UPF1: variants seen among roughly 807,000 people sequenced by gnomAD.
The protein encoded by UPF1 is UPF1 RNA helicase and ATPase, also known as regulator of nonsense transcripts 1.
Under a neutral mutation model 129.2 loss-of-function variants are expected in UPF1, and 9 were observed. That is an observed-to-expected ratio of 0.07 (90% CI 0.04 to 0.12). The LOEUF (loss-of-function observed/expected upper bound fraction) is 0.12, where lower values mean the gene tolerates loss of function less well. UPF1 is among the 10% of genes least tolerant of loss of function. The pLI is 1.00. For synonymous variants in UPF1, 649 were observed against 644.9 expected (o/e 1.01, Z -0.10); for missense variants, 788 against 1,525.3 (o/e 0.52, Z 8.05).
In UPF1 at chr19:18,857,508, C is replaced by T; in HGVS notation, c.2157C>T (p.Gly719=). The part of the protein sequence containing the change: ...SAFPSNIFYE[G]SLQNGVTAAD... Reference sequence around the variant, plus strand: ...TCCCATCCAACATCTTCTACGAGGGCTCCCTCCAGAATGGTGTCACTGCAG... The same window carrying T: ...TCCCATCCAACATCTTCTACGAGGGTTCCCTCCAGAATGGTGTCACTGCAG... Residue 719 remains glycine (G), a synonymous_variant, in exon 15 of 24, where the codon GGC becomes GGT. Transcript: ENST00000262803. The T allele has an allele frequency of 1.2e-6, 2 of 1,613,710 alleles. No individual in the cohort carries two copies. Among genetic ancestry groups the T allele is most frequent in the Non-Finnish European group, 1.7e-6 (2 of 1,179,834 alleles).
At chr19:18,854,281 T>G (rs1031173751) in intron 8 of UPF1, among the ~76,000 whole-genome samples, 1 of 152,208 alleles carries the variant, frequency 6.6e-6, no homozygotes, top group African/African-American at 2.4e-5. Context: ...TGCTCCCTGC[T>G]GGTGAGCGCT....
intron 1 of UPF1, among the ~76,000 whole-genome samples, chr19:18,838,260 G>A (rs559051134): frequency 4.5e-4 from 68 of 152,106 alleles, no homozygotes; most frequent in Non-Finnish European, 7.4e-4. Context: ...GATCATTTGA[G>A]CTCAGGAGTT....
At position 18,853,392 on chromosome 19, in the gene UPF1, G is replaced by A; in HGVS notation, c.1156+42G>A. The A allele has an allele frequency of 6.5e-7, 1 of 1,541,844 alleles. No individual in the cohort carries two copies. The highest frequency in any genetic ancestry group is 8.8e-7 in the Non-Finnish European group (1 of 1,140,390). On this transcript the variant is annotated intron_variant, in intron 8 of 23. Coordinates refer to ENST00000262803, the MANE Select transcript of UPF1 (RefSeq NM_002911.4). The surrounding 1 kb of genome is among the most constrained non-coding windows in gnomAD (Gnocchi z 4.4). ...GAGGGTGTGGCCGGCTGGTGGGAGA[G>A]GAAAGTGGGGGCATCAGGTGGAGGC...
At chr19:18,852,054 CCCTCTGGTG>C in intron 5 of UPF1, 72 bp from the exon 6 acceptor site, 1 of 1,465,264 alleles carries the variant, frequency 6.8e-7, no homozygotes, top group Non-Finnish European at 9.0e-7. Context: ...TGTGCTCCAT[CCCTCTGGTG>C]CCTCTGCGCC....
intron 23 of UPF1, 109 bp downstream of exon 23, chr19:18,866,275 C>A: frequency 7.0e-7 from 1 of 1,420,294 alleles, no homozygotes; most frequent in South Asian, 1.5e-5. Context: ...GAAATGTGTG[C>A]TGTGCCTGGT....
At chr19:18,848,505 G>A (rs1462601386) in intron 3 of UPF1, 1 of 152,286 alleles carries the variant, frequency 6.6e-6, no homozygotes, top group African/African-American at 2.4e-5. Context: ...TGCTGGAGAG[G>A]ATGGAGCAGA....
Position 18,866,031 on chromosome 19 carries a change from C to T in UPF1, c.3238-13C>T. The T allele has an allele frequency of 6.2e-7, 1 of 1,613,300 alleles. No individual in the cohort carries two copies. ...GGCCTGTGGCTTGCTTACCTCCTGA[C>T]CTTGTCTTTCAGGACAGTTACCTTG... On this transcript the variant is annotated splice_polypyrimidine_tract_variant and intron_variant, in intron 22 of 23. Coordinates refer to ENST00000262803, the MANE Select transcript of UPF1 (RefSeq NM_002911.4).
intron 18 of UPF1, among the ~76,000 whole-genome samples, chr19:18,862,650 G>T (rs1032915651): frequency 6.6e-6 from 1 of 152,152 alleles, no homozygotes; most frequent in Non-Finnish European, 1.5e-5. Flanking sequence ...AGCCTAACAT[G>T]GTGAAACCTC....
chr19:18,855,305 G>T (rs1211300380), intron 11 of UPF1, 63 bp downstream of exon 11: 16 of 1,560,486 alleles, frequency 1.0e-5, no homozygotes, highest in Non-Finnish European at 1.4e-5. Flanking sequence ...CAGATGGAAG[G>T]CCTGGTGCTG....
chr19:18,856,744 A>G, intron 13 of UPF1, 133 bp from the exon 14 acceptor site: 1 of 1,289,232 alleles, frequency 7.8e-7, no homozygotes, highest in Non-Finnish European at 1.0e-6. Context: ...CTTGTCTGGG[A>G]GGGACAGCTT....
At chr19:18,852,966 T>C in intron 6 of UPF1, 21 bp from the exon 7 acceptor site, 2 of 1,606,218 alleles carry the variant, frequency 1.2e-6, no homozygotes, top group Non-Finnish European at 1.7e-6. Flanking sequence ...TAACCGGGGC[T>C]CTTGTTTTTC....
Position 18,856,310 on chromosome 19 carries a change from C to G in UPF1, c.1824+10C>G. The G allele has an allele frequency of 6.3e-7, 1 of 1,585,134 alleles. No individual in the cohort carries two copies. Among genetic ancestry groups the G allele is most frequent in the Non-Finnish European group, 8.6e-7 (1 of 1,157,658 alleles). On this transcript the variant is annotated intron_variant, in intron 13 of 23. Coordinates refer to ENST00000262803, the MANE Select transcript of UPF1 (RefSeq NM_002911.4). ...GAGAGAGCTGCTGATGGTGAGTGCCCCTCCTGCCTGCAAAAGGGCCTGTGG... is the reference window on the plus strand; with the variant it reads ...GAGAGAGCTGCTGATGGTGAGTGCCGCTCCTGCCTGCAAAAGGGCCTGTGG...
At chr19:18,863,230 C>T (rs567140775) in intron 18 of UPF1, 21 of 592,742 alleles carry the variant, frequency 3.5e-5, no homozygotes, top group East Asian at 5.6e-5. Context: ...TGCTTAGAGT[C>T]GGCCACAAAA....
intron 1 of UPF1, among the ~76,000 whole-genome samples, chr19:18,836,368 TAAG>T (rs1351753479): frequency 3.3e-5 from 5 of 152,206 alleles, no homozygotes; most frequent in Non-Finnish European, 7.3e-5. Context: ...TGCTCAGTAT[TAAG>T]AAGGAACAAA....
chr19:18,839,185 G>A lies in UPF1; in HGVS notation c.231+6745G>A, dbSNP rs569028677. Among the ~76,000 whole-genome samples the A allele has an allele frequency of 2.6e-5, 4 of 152,180 alleles. No individual in the cohort carries two copies. In the East Asian group the frequency reaches 5.8e-4, roughly 22 times the overall value. On this transcript the variant is annotated intron_variant, in intron 1 of 23. Transcript: ENST00000262803. ...TGGCTCACTACAACCTCTGCCTCCCGGGTTTAAGTGATTTTCCTGCCTCAG... is the reference window on the plus strand; with the variant it reads ...TGGCTCACTACAACCTCTGCCTCCCAGGTTTAAGTGATTTTCCTGCCTCAG...
chr19:18,837,326 A>C (rs1486460124), intron 1 of UPF1, among the ~76,000 whole-genome samples: 1 of 152,074 alleles, frequency 6.6e-6, no homozygotes, highest in Non-Finnish European at 1.5e-5. Flanking sequence ...TGGGCTCAAG[A>C]GATCCTCTCA....
chr19:18,845,838 G>C (rs913346917), intron 1 of UPF1, 142 bp from the exon 2 acceptor site: 5 of 1,316,520 alleles, frequency 3.8e-6, no homozygotes, highest in Non-Finnish European at 5.0e-6. Flanking sequence ...CTAGAGAAGA[G>C]TGAAATCCAG....
Position 18,852,273 on chromosome 19 carries a change from G to A in UPF1, c.949G>A (p.Asp317Asn), listed in dbSNP as rs1488509801. The A allele has an allele frequency of 1.2e-6, 2 of 1,613,514 alleles. No individual in the cohort carries two copies. The highest frequency in any genetic ancestry group is 1.3e-5 in the African/African-American group (1 of 74,886). The change falls in exon 6 of 24, where the codon GAC (aspartate) becomes AAC (asparagine). Residue 317 changes from aspartate (D) to asparagine (N), a missense_variant. Physicochemically the swap from Asp to Asn is conservative, Grantham distance 23 (BLOSUM62 1). Transcript: ENST00000262803. ...GPLVKLEADYDKKLKESQTQD... is the reference protein window; with the variant it reads ...GPLVKLEADYNKKLKESQTQD... Reference sequence around the variant, plus strand: ...CCTGGTCAAGCTGGAGGCCGACTACGACAAGAAGCTGAAGGAGTCCCAGGT... The same window carrying A: ...CCTGGTCAAGCTGGAGGCCGACTACAACAAGAAGCTGAAGGAGTCCCAGGT...
In UPF1 at chr19:18,867,313, T is replaced by G. The variant is rs1601137511; in HGVS notation, c.*796T>G. ...TGCTGGGGTAGCCGCCCGCCGAGCCTGGAAGCTGCTCGTTCTCCGCTGGAC... is the reference window on the plus strand; with the variant it reads ...TGCTGGGGTAGCCGCCCGCCGAGCCGGGAAGCTGCTCGTTCTCCGCTGGAC... On this transcript the variant is annotated 3_prime_UTR_variant, in exon 24 of 24. Coordinates refer to ENST00000262803, the MANE Select transcript of UPF1 (RefSeq NM_002911.4). The G allele has an allele frequency of 1.3e-5, 2 of 152,274 alleles. No individual in the cohort carries two copies. The highest frequency in any genetic ancestry group is 2.9e-5 in the Non-Finnish European group (2 of 68,054). The allele number at this position is 152,274 out of a possible 1,614,324, so 9.4% of individuals were successfully genotyped here.
Sources: allele counts gnomAD v4.1 joint callset (sites outside exome capture counted in the v4.1 genomes callset), GRCh38; gene constraint gnomAD v4.1.1; non-coding constraint Gnocchi (gnomAD v3.1); transcripts MANE v1.5; gene names NCBI Gene and HGNC (gene_info 2026-07-23, HGNC 2026-07-21).